NCALD: variants seen among roughly 807,000 people sequenced by gnomAD.
The protein encoded by NCALD is neurocalcin delta, also known as neurocalcin-delta.
A neutral mutation model predicts 18.6 loss-of-function variants in NCALD; 10 were observed. That is an observed-to-expected ratio of 0.54 (90% CI 0.33 to 0.91). The LOEUF (loss-of-function observed/expected upper bound fraction) is 0.91, where lower values mean the gene tolerates loss of function less well. NCALD is among the 40% of genes least tolerant of loss of function. The probability of loss-of-function intolerance (pLI) is 0.03; values close to 1 mark genes in which losing one functional copy is unlikely to be tolerated. For missense variants in NCALD, 184 were observed against 247.6 expected, an observed-to-expected ratio of 0.74 and a Z score of 1.72; for synonymous variants, 88 against 87.4, an observed-to-expected ratio of 1.01 and a Z score of -0.04.
intron 1 of NCALD, among the ~76,000 whole-genome samples, chr8:101,744,785 T>A (rs1019980333): frequency 6.6e-6 from 1 of 152,048 alleles, no homozygotes; most frequent in Non-Finnish European, 1.5e-5. Context: ...ACACTATGTA[T>A]GCAGTACTCT....
intron 1 of NCALD, among the ~76,000 whole-genome samples, chr8:102,034,071 A>C (rs1254836076): frequency 6.6e-6 from 1 of 151,074 alleles, no homozygotes; most frequent in Non-Finnish European, 1.5e-5. Context: ...CAGTTACAGA[A>C]GTAAGGGCTA....
chr8:101,885,977 G>A (rs1816661245), intron 4 of NCALD, among the ~76,000 whole-genome samples: 1 of 152,264 alleles, frequency 6.6e-6, no homozygotes, highest in East Asian at 1.9e-4. Flanking sequence ...CAAGAAGAAG[G>A]AGCTTCCCAG....
At chr8:101,931,418 C>T (rs1205512213) in intron 2 of NCALD, among the ~76,000 whole-genome samples, 1 of 152,126 alleles carries the variant, frequency 6.6e-6, no homozygotes, top group African/African-American at 2.4e-5. Context: ...GTATCTGATG[C>T]CACAAATTCT....
chr8:101,736,383 C>A (rs1809916249), intron 1 of NCALD, among the ~76,000 whole-genome samples: 1 of 152,178 alleles, frequency 6.6e-6, no homozygotes, highest in Non-Finnish European at 1.5e-5. Context: ...TCTCAGCAAC[C>A]ACACTGCAGG....
chr8:101,802,578 T>TAAAA (rs201465859), intron 4 of NCALD, among the ~76,000 whole-genome samples: 3 of 144,146 alleles, frequency 2.1e-5, no homozygotes, highest in African/African-American at 7.6e-5. Context: ...CACGAATGAT[T>TAAAA]AAAAAAAAAA....
At chr8:101,731,648 C>A (rs907586874) in intron 1 of NCALD, among the ~76,000 whole-genome samples, 2 of 152,102 alleles carry the variant, frequency 1.3e-5, no homozygotes, top group Admixed American at 6.5e-5. Context: ...CATGTAAATA[C>A]GCTCTCTCCT....
chr8:101,870,743 C>T (rs1367913603), intron 4 of NCALD, among the ~76,000 whole-genome samples: 1 of 151,924 alleles, frequency 6.6e-6, no homozygotes, highest in African/African-American at 2.4e-5. Context: ...TTACTGGGGG[C>T]AAAGATCTGC....
At chr8:101,931,498 C>T (rs891185185) in intron 2 of NCALD, among the ~76,000 whole-genome samples, 1 of 152,166 alleles carries the variant, frequency 6.6e-6, no homozygotes, top group Admixed American at 6.5e-5. Context: ...TCAAGTAAAA[C>T]GTGTGCATGA....
chr8:101,705,829 C>T (rs955368571), intron 2 of NCALD, among the ~76,000 whole-genome samples: 5 of 152,190 alleles, frequency 3.3e-5, no homozygotes, highest in African/African-American at 1.2e-4. Flanking sequence ...TTTCGAGCCA[C>T]CCCAGCTGAT....
intron 2 of NCALD, among the ~76,000 whole-genome samples, chr8:101,932,124 G>A (rs916277682): frequency 2.0e-5 from 3 of 152,172 alleles, no homozygotes; most frequent in Non-Finnish European, 4.4e-5. Flanking sequence ...CGAGGTGAGT[G>A]CAGGCTTCTC....
intron 1 of NCALD, among the ~76,000 whole-genome samples, chr8:102,071,871 A>G (rs1824188633): frequency 6.6e-6 from 1 of 152,234 alleles, no homozygotes; most frequent in African/African-American, 2.4e-5. Context: ...TATACAATGA[A>G]CATGGATGAA....
intron 1 of NCALD, among the ~76,000 whole-genome samples, chr8:102,027,952 C>A (rs1348645356): frequency 2.6e-5 from 4 of 152,124 alleles, no homozygotes; most frequent in African/African-American, 4.8e-5. Context: ...GTAATTGCCC[C>A]CATGATTCAA....
chr8:101,916,806 A>C (rs1817985144), intron 2 of NCALD, among the ~76,000 whole-genome samples: 1 of 152,130 alleles, frequency 6.6e-6, no homozygotes, highest in Non-Finnish European at 1.5e-5. Context: ...AAGAAGACTT[A>C]ACTATCCTAA....
At chr8:101,870,626 C>T (rs1815966731) in intron 4 of NCALD, among the ~76,000 whole-genome samples, 1 of 152,130 alleles carries the variant, frequency 6.6e-6, no homozygotes, top group Admixed American at 6.6e-5. Context: ...CAACTCATCA[C>T]TGCTGCTGCT....
chr8:101,935,892 C>A (rs1002617172), intron 2 of NCALD, among the ~76,000 whole-genome samples: 5 of 150,202 alleles, frequency 3.3e-5, no homozygotes, highest in Admixed American at 1.3e-4. Flanking sequence ...GATTGGCAGC[C>A]AATTGCAGAA....
At chr8:101,733,701 A>C (rs976633277) in intron 1 of NCALD, among the ~76,000 whole-genome samples, 1 of 152,186 alleles carries the variant, frequency 6.6e-6, no homozygotes, top group Non-Finnish European at 1.5e-5. Context: ...AAAGAGCATG[A>C]AAGTGATAGA....
intron 1 of NCALD, among the ~76,000 whole-genome samples, chr8:102,050,024 C>T (rs1007041675): frequency 8.7e-5 from 13 of 149,558 alleles, no homozygotes; most frequent in Middle Eastern, 3.4e-3. Flanking sequence ...TAGCCGGGCG[C>T]GGTGGCGGGC....
intron 4 of NCALD, among the ~76,000 whole-genome samples, chr8:101,843,021 T>A (rs1814708258): frequency 1.3e-5 from 2 of 152,230 alleles, no homozygotes; most frequent in Non-Finnish European, 2.9e-5. Context: ...TGTTCCCCTA[T>A]CCTACTGATT....
intron 1 of NCALD, among the ~76,000 whole-genome samples, chr8:102,021,047 G>A (rs1822255600): frequency 6.6e-6 from 1 of 152,074 alleles, no homozygotes; most frequent in African/African-American, 2.4e-5. Context: ...ACCATCTTAA[G>A]CTCATTTATT....
Sources: gnomAD v4.1 joint callset for allele counts (sites outside exome capture counted in the v4.1 genomes callset) on GRCh38, gnomAD v4.1.1 for gene constraint, MANE v1.5 for transcripts, NCBI Gene and HGNC (gene_info 2026-07-23, HGNC 2026-07-21) for gene names.